GDPD5: variants seen among roughly 807,000 people sequenced by gnomAD.
GDPD5 encodes the protein glycerophosphodiester phosphodiesterase domain containing 5, also known as glycerophosphodiester phosphodiesterase 2.
In GDPD5, 48 loss-of-function variants were observed where a neutral mutation model predicts 75.1. That is an observed-to-expected ratio of 0.64 (90% confidence interval 0.51 to 0.81). The LOEUF (loss-of-function observed/expected upper bound fraction) is 0.81, where lower values mean the gene tolerates loss of function less well. GDPD5 is among the 40% of genes least tolerant of loss of function. The probability of loss-of-function intolerance (pLI) is 0.00; values close to 1 mark genes in which losing one functional copy is unlikely to be tolerated. For synonymous variants in GDPD5, 336 were observed against 339.0 expected (o/e 0.99, Z 0.10); for missense variants, 706 against 822.6 (o/e 0.86, Z 1.73).
At chr11:75,487,158 G>A (rs1565208605) in intron 2 of GDPD5, among the ~76,000 whole-genome samples, 1 of 152,234 alleles carries the variant, frequency 6.6e-6, no homozygotes, top group Non-Finnish European at 1.5e-5. Context: ...CCTGCAGGTA[G>A]CTTTTCCGGG....
intron 1 of GDPD5, among the ~76,000 whole-genome samples, chr11:75,518,509 C>CT (rs1395986538): frequency 6.6e-6 from 1 of 152,184 alleles, no homozygotes; most frequent in Non-Finnish European, 1.5e-5. Flanking sequence ...ATTGTGGGGC[C>CT]TGCAGGACTT....
chr11:75,455,291 G>A (rs1450645282), intron 6 of GDPD5: 15 of 455,114 alleles, frequency 3.3e-5, no homozygotes, highest in Non-Finnish European at 4.8e-5. Context: ...TCTTTCAAAT[G>A]CCAGCTTTGC....
intron 1 of GDPD5, chr11:75,508,074 A>G (rs549438353): frequency 1.3e-5 from 2 of 152,264 alleles, no homozygotes; most frequent in South Asian, 4.1e-4. Context: ...CAGGGAGGAC[A>G]AGGGACTCGC....
chr11:75,456,954 G>T, intron 5 of GDPD5, 138 bp from the exon 6 acceptor site: 1 of 785,524 alleles, frequency 1.3e-6, no homozygotes, highest in Non-Finnish European at 2.2e-6. Flanking sequence ...CAGGCGATGG[G>T]AATGCGCTGC....
intron 1 of GDPD5, among the ~76,000 whole-genome samples, chr11:75,522,040 A>G (rs1222448122): frequency 3.3e-5 from 5 of 149,366 alleles, no homozygotes; most frequent in Non-Finnish European, 7.4e-5. Context: ...ATGGGCATTC[A>G]CCCCTCACTA....
intron 1 of GDPD5, among the ~76,000 whole-genome samples, chr11:75,514,676 G>C (rs146309878): frequency 6.6e-6 from 1 of 152,252 alleles, no homozygotes; most frequent in South Asian, 2.1e-4. Flanking sequence ...TGCAGGCACT[G>C]ACAGGGCACA....
intron 3 of GDPD5, among the ~76,000 whole-genome samples, chr11:75,471,561 G>A (rs1288237049): frequency 6.6e-6 from 1 of 152,324 alleles, no homozygotes; most frequent in East Asian, 1.9e-4. Context: ...GGGGAGACAT[G>A]AGCAGAAGGG....
chr11:75,440,690 G>A (rs927533647), intron 14 of GDPD5, among the ~76,000 whole-genome samples: 2 of 152,120 alleles, frequency 1.3e-5, no homozygotes, highest in African/African-American at 4.8e-5. Flanking sequence ...CGAGTAGCTA[G>A]GACTACAGGC....
At chr11:75,481,218 A>C (rs529583293) in intron 2 of GDPD5, among the ~76,000 whole-genome samples, 1 of 152,316 alleles carries the variant, frequency 6.6e-6, no homozygotes, top group East Asian at 1.9e-4. Context: ...CCAAGGCCCC[A>C]GGGGCTGCAC....
chr11:75,441,456 C>T, intron 13 of GDPD5, 146 bp from the exon 14 acceptor site: 1 of 1,228,594 alleles, frequency 8.1e-7, no homozygotes, highest in South Asian at 1.4e-5. Context: ...AGCTCCGGGA[C>T]AAGCCCGGGT....
rs1158458295 is a variant in GDPD5, at chr11:75,463,968, G to A, written c.118-1079C>T. Among the ~76,000 whole-genome samples, 6 of 152,232 alleles carry A rather than the reference G, an allele frequency of 3.9e-5. No individual in the cohort carries two copies. In the East Asian group the frequency reaches 7.7e-4, roughly 20 times the overall value. Reference sequence around the variant, plus strand: ...CCCTGCTACCCTCGTGCCTGCCGCGGTGCGCCCGCAGCATTGGCATCCCTC... The same window carrying A: ...CCCTGCTACCCTCGTGCCTGCCGCGATGCGCCCGCAGCATTGGCATCCCTC... On this transcript the variant is annotated intron_variant, in intron 3 of 16. Transcript: ENST00000336898.
chr11:75,513,782 G>T (rs1221218001), intron 1 of GDPD5, among the ~76,000 whole-genome samples: 1 of 152,168 alleles, frequency 6.6e-6, no homozygotes, highest in Non-Finnish European at 1.5e-5. Flanking sequence ...CACAGAGCAG[G>T]GTTCCCCTGG....
At chr11:75,478,182 C>T (rs554390645) in intron 2 of GDPD5, among the ~76,000 whole-genome samples, 12 of 152,342 alleles carry the variant, frequency 7.9e-5, no homozygotes, top group African/African-American at 2.9e-4. Flanking sequence ...CAGAGTCTTG[C>T]TCTGTCACCC....
At chr11:75,479,089 T>A (rs999843080) in intron 2 of GDPD5, among the ~76,000 whole-genome samples, 11 of 152,192 alleles carry the variant, frequency 7.2e-5, no homozygotes, top group African/African-American at 2.7e-4. Flanking sequence ...ACCCTGGAGA[T>A]ATCTGTGGGA....
Position 75,441,179 on chromosome 11 carries a change from G to C in GDPD5, c.1457C>G (p.Ser486Cys), listed in dbSNP as rs781016198. Residue 486 changes from serine (S) to cysteine (C), a missense_variant, in exon 14 of 17, where the codon TCC becomes TGC. Ser to Cys is a moderately radical substitution (Grantham distance 112, BLOSUM62 -1). Transcript: ENST00000336898. ...CCAACTCACCATGATCCAGAGGGGG[G>C]AAGGCACCTGGGACAGGGCGTGGGA... ...DNSHALSQVP[S>C]PLWIMPPDEY... 2 of 1,613,846 alleles carry C rather than the reference G, an allele frequency of 1.2e-6. No homozygotes were observed. The highest frequency in any genetic ancestry group is 3.3e-5 in the Admixed American group (2 of 60,020).
At chr11:75,450,241 A>G (rs1949105029) in intron 6 of GDPD5, among the ~76,000 whole-genome samples, 1 of 152,064 alleles carries the variant, frequency 6.6e-6, no homozygotes, top group African/African-American at 2.4e-5. Flanking sequence ...CGAGAAATGG[A>G]AGGGAGGATG....
At chr11:75,490,117 C>T (rs1387685554) in intron 2 of GDPD5, 120 bp downstream of exon 2, 3 of 152,220 alleles carry the variant, frequency 2.0e-5, no homozygotes, top group African/African-American at 7.2e-5. Flanking sequence ...GACGATAATC[C>T]CATTTATGCC....
chr11:75,491,103 A>G (rs1379041232), intron 1 of GDPD5, among the ~76,000 whole-genome samples: 2 of 152,154 alleles, frequency 1.3e-5, no homozygotes, highest in Non-Finnish European at 2.9e-5. Context: ...CCCCAACCCA[A>G]CTGGATTCTA....
At chr11:75,445,848 G>A (rs945448577) in intron 9 of GDPD5, among the ~76,000 whole-genome samples, 1 of 152,196 alleles carries the variant, frequency 6.6e-6, no homozygotes, top group Non-Finnish European at 1.5e-5. Flanking sequence ...CTGTAAAATG[G>A]GCTAACATTA....
Sources: allele counts gnomAD v4.1 joint callset (sites outside exome capture counted in the v4.1 genomes callset), GRCh38; gene constraint gnomAD v4.1.1; transcripts MANE v1.5; gene names NCBI Gene and HGNC (gene_info 2026-07-23, HGNC 2026-07-21).